Variants in FRMD1 observed in about 807,000 individuals in gnomAD.
The protein encoded by FRMD1 is FERM domain-containing protein 1.
FRMD1 carries 51 observed loss-of-function variants against 54.9 expected under a neutral mutation model. That is an observed-to-expected ratio of 0.93 (90% CI 0.74 to 1.17). The LOEUF is 1.17. FRMD1 is among the 50% of genes most tolerant of loss of function. The pLI is 0.00. For missense variants in FRMD1, 729 were observed against 743.0 expected (o/e 0.98, Z 0.22); for synonymous variants, 324 against 306.4 (o/e 1.06, Z -0.60).
At chr6:168,067,221 G>GTCCACC in intron 3 of FRMD1, 146 bp downstream of exon 3, 1 of 648,876 alleles carries the variant, frequency 1.5e-6, no homozygotes, top group South Asian at 1.7e-5. Context: ...TGTCCACCGT[G>GTCCACC]GTGCCCTGCT....
rs1483961658 is a variant in FRMD1, at chr6:168,064,973, G to A, written c.546C>T (p.Tyr182=). The A allele has an allele frequency of 1.9e-6, 3 of 1,612,124 alleles. No homozygotes were observed. The highest frequency in any genetic ancestry group is 1.3e-5 in the African/African-American group (1 of 75,070). The change falls in exon 5 of 11, where the codon TAC becomes TAT. Residue 182 remains tyrosine, a synonymous_variant. Coordinates refer to ENST00000283309, the MANE Select transcript of FRMD1 (RefSeq NM_024919.6). ...GCAGCGCGCAGGCAGCCAGCAGGAA[G>A]TAGGCTTCCTCCCGGTGAGCGCACT... The part of the protein sequence containing the change: ...RSQCAHREEA[Y]FLLAACALQA...
chr6:168,062,946 C>T lies in FRMD1; in HGVS notation c.818G>A (p.Gly273Asp), dbSNP rs1158381397. The change falls in exon 7 of 11, where the codon GGT becomes GAT. Residue 273 changes from glycine (G) to aspartate (D), a missense_variant. Transcript: ENST00000283309. ...CAGTCCCAGGATCACGGTGGGACGACCTTCCTTCTTATCCTAGAGGACACA... is the reference window on the plus strand; with the variant it reads ...CAGTCCCAGGATCACGGTGGGACGATCTTCCTTCTTATCCTAGAGGACACA... ...FFRLHKDKKE[G>D]RPTVILGLAL... The T allele has an allele frequency of 2.5e-6, 4 of 1,613,858 alleles. No homozygotes were observed. The highest frequency in any genetic ancestry group is 3.4e-6 in the Non-Finnish European group (4 of 1,179,914).
intron 5 of FRMD1, among the ~76,000 whole-genome samples, chr6:168,064,302 T>TC (rs1035189754): frequency 3.9e-5 from 6 of 152,096 alleles, no homozygotes; most frequent in African/African-American, 1.4e-4. Context: ...AGAGAAACCT[T>TC]AAAGTTCACC....
At chr6:168,082,323 C>A (rs981930468), upstream of FRMD1, among the ~76,000 whole-genome samples, 1 of 152,158 alleles carries the variant, frequency 6.6e-6, no homozygotes, top group African/African-American at 2.4e-5. Context: ...AGTGGCCAGC[C>A]GGGGTCTTGC....
chr6:168,069,526 G>A (rs1422872882), intron 2 of FRMD1, among the ~76,000 whole-genome samples: 2 of 152,188 alleles, frequency 1.3e-5, no homozygotes, highest in East Asian at 1.9e-4. Flanking sequence ...AGTGGCAGAT[G>A]TTTAGCAATG....
rs2114938326 is a variant in FRMD1, at chr6:168,056,822, A to T, written c.*275T>A. The T allele has an allele frequency of 3.2e-6, 1 of 312,902 alleles. No homozygotes were observed. The highest frequency in any genetic ancestry group is 5.6e-5 in the East Asian group (1 of 17,888). 19.4% of individuals were successfully genotyped at this position (312,902 alleles called of 1,614,324 possible). On this transcript the variant is annotated 3_prime_UTR_variant, in exon 11 of 11. Coordinates refer to ENST00000283309, the MANE Select transcript of FRMD1 (RefSeq NM_024919.6). ...GGGCCAACACCATGGCTCTCTGGACACTTGACAGCCAGACCTTGAACTGGC... is the reference window on the plus strand; with the variant it reads ...GGGCCAACACCATGGCTCTCTGGACTCTTGACAGCCAGACCTTGAACTGGC...
chr6:168,081,172 C>T (rs1054411038), upstream of FRMD1, among the ~76,000 whole-genome samples: 2 of 152,042 alleles, frequency 1.3e-5, no homozygotes, highest in Admixed American at 6.5e-5. Context: ...CCTGGGAGAG[C>T]GCGGCTTTTT....
chr6:168,063,839 C>T, intron 5 of FRMD1, 83 bp from the exon 6 acceptor site: 6 of 1,452,186 alleles, frequency 4.1e-6, no homozygotes, highest in Non-Finnish European at 4.6e-6. Context: ...GAGAAGCTTC[C>T]CCAGACTCCC....
In FRMD1 at chr6:168,063,630, C is replaced by A. The variant is rs143138869; in HGVS notation, c.775G>T (p.Val259Leu). The A allele has an allele frequency of 6.2e-7, 1 of 1,612,922 alleles. No individual in the cohort carries two copies. The highest frequency in any genetic ancestry group is 1.7e-5 in the Admixed American group (1 of 59,932). The change falls in exon 6 of 11, where the codon GTG becomes TTG. Residue 259 changes from valine to leucine, a missense_variant. Transcript: ENST00000283309. Reference sequence around the variant, plus strand: ...TGCAGCCTGAAGAAGTGCACGGGCACGTCCTCCAGCCGGCAGGCCTCCTGG... The same window carrying A: ...TGCAGCCTGAAGAAGTGCACGGGCAAGTCCTCCAGCCGGCAGGCCTCCTGG... ...FIQEACRLEDVPVHFFRLHKD... is the reference protein window; with the variant it reads ...FIQEACRLEDLPVHFFRLHKD...
At position 168,078,851 on chromosome 6, in the gene FRMD1, T is replaced by C. The variant is rs13197135; in HGVS notation, c.213+31A>G. On this transcript the variant is annotated intron_variant, in intron 1 of 10. Transcript: ENST00000283309. ...CCCTGCTCACCCCCACAGCTCTGTT[T>C]ACCCCCACGGCCACCCAGGGCCCTG... The C allele has an allele frequency of 1.8e-4, 242 of 1,324,330 alleles. No individual in the cohort carries two copies. The African/African-American group carries it at 2.7e-3, about 15-fold the overall frequency. The allele number at this position is 1,324,330 out of a possible 1,614,324, so 82.0% of individuals were successfully genotyped here.
chr6:168,065,042 C>A lies in FRMD1; in HGVS notation c.477G>T (p.Arg159=), dbSNP rs756662369. 1.2e-6 allele frequency: 2 copies of A among 1,603,748 alleles called. No homozygotes were observed. Among genetic ancestry groups the A allele is most frequent in the Non-Finnish European group, 1.7e-6 (2 of 1,173,598 alleles). Residue 159 remains arginine (R), a synonymous_variant, in exon 5 of 11, where the codon CGG becomes CGT. Transcript: ENST00000283309. ...NGRVISDHRA[R]HLYYCHLKER... ...CCTTCAAGTGGCAGTAGTACAGGTG[C>A]CGTGCCCTGTGGTCGCTGGAAGGTG...
rs776900945 is a variant in FRMD1 at position 168,057,216 on chromosome 6, G to A, written c.1531C>T (p.Leu511=). 6.2e-7 allele frequency: 1 copy of A among 1,608,542 alleles called. No homozygotes were observed. The highest frequency in any genetic ancestry group is 8.5e-7 in the Non-Finnish European group (1 of 1,177,688). ...TSLSHTFHRA[L]DCRLAGPCET... The stretch of plus-strand genomic sequence containing the variant: ...CAGGGGCCTGCCAGCCTGCAGTCCA[G>A]GGCGCGGTGGAAGGTATGGCTGAGT... Residue 511 remains leucine, a synonymous_variant, in exon 11 of 11, where the codon CTG becomes TTG. Coordinates refer to ENST00000283309, the MANE Select transcript of FRMD1 (RefSeq NM_024919.6).
chr6:168,090,736 G>A (rs4708641), intron 1 of FRMD1, among the ~76,000 whole-genome samples: 54,485 of 152,116 alleles, frequency 0.36, 10,595 homozygotes, highest in African/African-American at 0.52. Context: ...GCCATGGCGC[G>A]TGCTTAGCAA....
chr6:168,059,091 G>C lies in FRMD1; in HGVS notation c.1407+33C>G. 6.6e-7 allele frequency: 1 copy of C among 1,523,368 alleles called. No individual in the cohort carries two copies. The highest frequency in any genetic ancestry group is 8.9e-7 in the Non-Finnish European group (1 of 1,128,388). The allele number at this position is 1,523,368 out of a possible 1,614,324, so 94.4% of individuals were successfully genotyped here. On this transcript the variant is annotated intron_variant, in intron 10 of 10. Coordinates refer to ENST00000283309, the MANE Select transcript of FRMD1 (RefSeq NM_024919.6). This position sits in a 1 kb window ranked among gnomAD's most constrained non-coding sequence, Gnocchi z 4.4. ...TAGGAGAAGGGGGTGGAGGAGCAGG[G>C]CCAGGGCTTCTGGCCCGTGGGGGGG...
At chr6:168,066,904 G>T (rs1354159408) in intron 3 of FRMD1, 73 bp from the exon 4 acceptor site, 3 of 1,570,268 alleles carry the variant, frequency 1.9e-6, no homozygotes, top group Non-Finnish European at 2.6e-6. Flanking sequence ...CTTCCCAGTT[G>T]GGGGGGCCTG....
intron 8 of FRMD1, among the ~76,000 whole-genome samples, chr6:168,061,330 T>C (rs938036755): frequency 8.6e-5 from 13 of 151,646 alleles, no homozygotes; most frequent in African/African-American, 2.7e-4. Flanking sequence ...AGACCAGGCC[T>C]GTGGGTAAAC....
intron 4 of FRMD1, chr6:168,065,889 G>C: frequency 1.0e-6 from 1 of 1,000,238 alleles, no homozygotes; most frequent in South Asian, 4.7e-5. Flanking sequence ...GGTAAACCCT[G>C]TTCACGCACC....
rs770657560 is a variant in FRMD1 at position 168,078,986 on chromosome 6, A to T, written c.109T>A (p.Cys37Ser). The change falls in exon 1 of 11, where the codon TGC becomes AGC. Residue 37 changes from cysteine (C) to serine (S), a missense_variant. Physicochemically the swap from Cys to Ser is moderately radical, Grantham distance 112. Coordinates refer to ENST00000283309, the MANE Select transcript of FRMD1 (RefSeq NM_024919.6). ...CMEPSPERPA[C>S]SQQEPTLGMD... ...CCCAGGGTCGGCTCCTGCTGACTGC[A>T]TGCAGGCCTCTCAGGACTGGGTTCC... The T allele has an allele frequency of 4.3e-6, 7 of 1,612,370 alleles. No individual in the cohort carries two copies. Among genetic ancestry groups the T allele is most frequent in the Non-Finnish European group, 5.9e-6 (7 of 1,179,938 alleles).
chr6:168,067,016 G>A, intron 3 of FRMD1, 185 bp from the exon 4 acceptor site: 10 of 808,180 alleles, frequency 1.2e-5, no homozygotes, highest in Admixed American at 6.2e-5. Context: ...TGAGTGGGAC[G>A]TGGTCTACAG....
Sources: gnomAD v4.1 joint callset for allele counts (sites outside exome capture counted in the v4.1 genomes callset) on GRCh38, gnomAD v4.1.1 for gene constraint, Gnocchi (gnomAD v3.1) non-coding constraint, MANE v1.5 for transcripts, NCBI Gene and HGNC (gene_info 2026-07-23, HGNC 2026-07-21) for gene names.